The following PNLIPRP3 variants were observed in gnomAD, a reference collection of about 807,000 sequenced individuals.
PNLIPRP3 encodes the protein pancreatic lipase-related protein 3.
A neutral mutation model predicts 52.8 loss-of-function variants in PNLIPRP3; 58 were observed. The observed-to-expected ratio is 1.10, with a 90% CI of 0.89 to 1.37. PNLIPRP3 has a LOEUF of 1.37. PNLIPRP3 is among the 40% of genes most tolerant of loss of function. The pLI is 0.00. For synonymous variants in PNLIPRP3, 192 were observed against 185.0 expected, an observed-to-expected ratio of 1.04 and a Z score of -0.31; for missense variants, 593 against 561.6, an observed-to-expected ratio of 1.06 and a Z score of -0.57.
chr10:116,439,564 T>C (rs778841756), intron 2 of PNLIPRP3: 1 of 849,292 alleles, frequency 1.2e-6, no homozygotes, highest in Admixed American at 1.8e-5. Context: ...AACTTTACTT[T>C]CGACTTATAG....
chr10:116,447,260 T>C (rs1845965757), intron 4 of PNLIPRP3, among the ~76,000 whole-genome samples: 1 of 152,182 alleles, frequency 6.6e-6, no homozygotes, highest in Non-Finnish European at 1.5e-5. Flanking sequence ...CTGCTAAGAA[T>C]GAAGATAGTA....
Position 116,476,780 on chromosome 10 carries a change from C to A in PNLIPRP3, c.1301C>A (p.Ala434Glu). 1.2e-6 allele frequency: 2 copies of A among 1,609,302 alleles called. No individual in the cohort carries two copies. Among genetic ancestry groups the A allele is most frequent in the East Asian group, 2.2e-5 (1 of 44,678 alleles). Residue 434 changes from alanine to glutamate, a missense_variant, in exon 11 of 12, where the codon GCA becomes GAA. Ala to Glu is a moderately radical substitution (Grantham distance 107). Transcript: ENST00000369230. ...GAAGATTCTCAGAATAAGTTGGGAG[C>A]AGAAATGGTGATAAATACATCTGGG... ...LFEDSQNKLGAEMVINTSGKY... is the reference protein window; with the variant it reads ...LFEDSQNKLGEEMVINTSGKY...
intron 4 of PNLIPRP3, among the ~76,000 whole-genome samples, chr10:116,455,215 G>T (rs577434220): frequency 4.6e-5 from 7 of 152,246 alleles, no homozygotes; most frequent in Admixed American, 1.3e-4. Context: ...TTTTCAATTG[G>T]ATCATTTGCT....
At chr10:116,455,159 G>A (rs1846093524) in intron 4 of PNLIPRP3, among the ~76,000 whole-genome samples, 1 of 152,132 alleles carries the variant, frequency 6.6e-6, no homozygotes, top group Non-Finnish European at 1.5e-5. Context: ...AAATCTGTTG[G>A]CCATTTGTAT....
chr10:116,436,877 T>A lies in PNLIPRP3; in HGVS notation c.204+12T>A, dbSNP rs1324243157. On this transcript the variant is annotated intron_variant, in intron 2 of 11. Coordinates refer to ENST00000369230, the MANE Select transcript of PNLIPRP3 (RefSeq NM_001011709.3). Reference sequence around the variant, plus strand: ...CCAATGCCTATCAGGTAAGCTAACTTGCAGCCTTCACACATGGATTATTCT... The same window carrying A: ...CCAATGCCTATCAGGTAAGCTAACTAGCAGCCTTCACACATGGATTATTCT... 1 of 1,569,688 alleles carries A rather than the reference T, an allele frequency of 6.4e-7. No homozygotes were observed. Among genetic ancestry groups the A allele is most frequent in the Non-Finnish European group, 8.7e-7 (1 of 1,153,436 alleles).
intron 7 of PNLIPRP3, 34 bp downstream of exon 7, chr10:116,461,324 G>A (rs1306936746): frequency 6.3e-7 from 1 of 1,597,998 alleles, no homozygotes; most frequent in East Asian, 2.2e-5. Context: ...TGCTACTGAT[G>A]CATATTCACT....
At chr10:116,438,834 T>A (rs540407727) in intron 2 of PNLIPRP3, among the ~76,000 whole-genome samples, 1 of 152,308 alleles carries the variant, frequency 6.6e-6, no homozygotes, top group East Asian at 1.9e-4. Context: ...TAGAGACACT[T>A]ATAAAGAAAC....
intron 2 of PNLIPRP3, chr10:116,440,110 A>G (rs1004452195): frequency 1.1e-4 from 73 of 657,870 alleles, no homozygotes; most frequent in Non-Finnish European, 1.9e-4. Context: ...TGTAGAATAC[A>G]AGTATTTGGG....
In PNLIPRP3 at chr10:116,435,491, C is replaced by T. The variant is rs146415908; in HGVS notation, c.50-1220C>T. ...AACAAAAAACAAAACAGTGTATTGACCGCATTGGAGGAAGAGGTGAGACAA... is the reference window on the plus strand; with the variant it reads ...AACAAAAAACAAAACAGTGTATTGATCGCATTGGAGGAAGAGGTGAGACAA... On this transcript the variant is annotated intron_variant, in intron 1 of 11. Transcript: ENST00000369230. Among the ~76,000 whole-genome samples the T allele has an allele frequency of 6.4e-3, 970 of 150,856 alleles. 3 individuals are homozygous for T. The highest frequency in any genetic ancestry group is 0.01 in the Non-Finnish European group (699 of 67,784).
intron 4 of PNLIPRP3, among the ~76,000 whole-genome samples, chr10:116,448,690 G>GTGTTT (rs55781366): frequency 0.051 from 7,473 of 147,678 alleles, 284 homozygotes; most frequent in Admixed American, 0.1. Flanking sequence ...CTATAAAAAG[G>GTGTTT]TGTTTTGTTT....
Position 116,476,600 on chromosome 10 carries a change from T to G in PNLIPRP3, c.1173-52T>G, listed in dbSNP as rs1178900229. 1.0e-5 allele frequency: 14 copies of G among 1,401,684 alleles called. No homozygotes were observed. In the South Asian group the frequency reaches 1.6e-4, roughly 16 times the overall value. 86.8% of individuals were successfully genotyped at this position (1,401,684 alleles called of 1,614,324 possible). ...CATACACAGATGTGTTTTCTTTCATTCAGTGCTGTGAATACCCAGTGCAAA... is the reference window on the plus strand; with the variant it reads ...CATACACAGATGTGTTTTCTTTCATGCAGTGCTGTGAATACCCAGTGCAAA... On this transcript the variant is annotated intron_variant, in intron 10 of 11. Transcript: ENST00000369230.
intron 2 of PNLIPRP3, 52 bp from the exon 3 acceptor site, chr10:116,442,996 CTAACTAT>C: frequency 7.4e-7 from 1 of 1,346,512 alleles, no homozygotes; most frequent in East Asian, 2.6e-5. Flanking sequence ...AATAGGTCTA[CTAACTAT>C]TAAATAATTT....
At chr10:116,458,786 T>C (rs940234454) in intron 5 of PNLIPRP3, among the ~76,000 whole-genome samples, 2 of 152,182 alleles carry the variant, frequency 1.3e-5, no homozygotes, top group African/African-American at 4.8e-5. Context: ...ATAGAAGCGC[T>C]GTGCTGAAAC....
chr10:116,455,931 G>C (rs1452541734), intron 5 of PNLIPRP3, 101 bp downstream of exon 5: 3 of 821,068 alleles, frequency 3.7e-6, no homozygotes, highest in Middle Eastern at 5.1e-4. Flanking sequence ...GAAAATATAA[G>C]ATACTACAAA....
chr10:116,436,641 T>G (rs1023994690), intron 1 of PNLIPRP3, 70 bp from the exon 2 acceptor site: 4 of 1,405,990 alleles, frequency 2.8e-6, no homozygotes, highest in Admixed American at 2.4e-5. Flanking sequence ...CTACTTTAAC[T>G]CATAGTGAGA....
At chr10:116,430,537 A>T (rs1845696463) in intron 1 of PNLIPRP3, among the ~76,000 whole-genome samples, 1 of 152,216 alleles carries the variant, frequency 6.6e-6, no homozygotes, top group Non-Finnish European at 1.5e-5. Flanking sequence ...TGGTTAAGCC[A>T]AGTGAAGCAA....
At chr10:116,457,991 G>T (rs1846139744) in intron 5 of PNLIPRP3, among the ~76,000 whole-genome samples, 1 of 152,062 alleles carries the variant, frequency 6.6e-6, no homozygotes, top group African/African-American at 2.4e-5. Context: ...TTGAGTAATA[G>T]AAGAACTGAG....
chr10:116,431,900 A>C (rs748482719), intron 1 of PNLIPRP3, among the ~76,000 whole-genome samples: 1 of 152,012 alleles, frequency 6.6e-6, no homozygotes, highest in Admixed American at 6.6e-5. Flanking sequence ...ACACATCTGC[A>C]TGCGGTTTGC....
intron 5 of PNLIPRP3, 63 bp from the exon 6 acceptor site, chr10:116,460,902 TC>T: frequency 6.4e-7 from 1 of 1,574,490 alleles, no homozygotes; most frequent in Non-Finnish European, 8.6e-7. Context: ...GACACATGCT[TC>T]CAAAGTAACA....
Sources: gnomAD v4.1 joint callset for allele counts (sites outside exome capture counted in the v4.1 genomes callset) on GRCh38, gnomAD v4.1.1 for gene constraint, MANE v1.5 for transcripts, NCBI Gene and HGNC (gene_info 2026-07-23, HGNC 2026-07-21) for gene names.